Variants in ARHGAP29 observed in about 807,000 individuals in gnomAD.
ARHGAP29 encodes Rho GTPase activating protein 29.
A neutral mutation model predicts 122.6 loss-of-function variants in ARHGAP29; 43 were observed. The observed-to-expected ratio is 0.35, with a 90% CI of 0.27 to 0.45. The LOEUF (loss-of-function observed/expected upper bound fraction) is 0.45, where lower values mean the gene tolerates loss of function less well. Among genes scored for constraint, ARHGAP29 ranks in the 20% least tolerant of loss-of-function variants. The pLI is 1.00. For missense variants in ARHGAP29, 1,303 were observed against 1,477.2 expected (o/e 0.88, Z 1.93); for synonymous variants, 506 against 497.1 (o/e 1.02, Z -0.24).
At chr1:94,223,754 C>G (rs182986665) in intron 2 of ARHGAP29, among the ~76,000 whole-genome samples, 1 of 151,490 alleles carries the variant, frequency 6.6e-6, no homozygotes, top group African/African-American at 2.4e-5. Flanking sequence ...ATAAAGGAAA[C>G]TTCTGGGAAA....
rs545801726 is a variant in ARHGAP29, at chr1:94,202,840, G to A, written c.954+78C>T. The A allele has an allele frequency of 1.9e-4, 290 of 1,536,298 alleles. 2 individuals are homozygous for A. In the East Asian group the frequency reaches 5.6e-3, roughly 30 times the overall value. ...AAGACAATATTTTAGAAAAATGAGAGCAAGGAAGGTCAGTATATACTGCAG... is the reference window on the plus strand; with the variant it reads ...AAGACAATATTTTAGAAAAATGAGAACAAGGAAGGTCAGTATATACTGCAG... On this transcript the variant is annotated intron_variant, in intron 10 of 22. Coordinates refer to ENST00000260526, the MANE Select transcript of ARHGAP29 (RefSeq NM_004815.4).
chr1:94,276,780 C>CAAA (rs34090768), upstream of ARHGAP29, among the ~76,000 whole-genome samples: 5 of 40,628 alleles, frequency 1.2e-4, no homozygotes, highest in South Asian at 1.6e-3. Flanking sequence ...GACCCTGTCT[C>CAAA]AAAAAAAAAA....
chr1:94,232,427 A>G (rs899204655), intron 1 of ARHGAP29, among the ~76,000 whole-genome samples: 1 of 152,202 alleles, frequency 6.6e-6, no homozygotes, highest in Non-Finnish European at 1.5e-5. Context: ...TTTGTTGAAA[A>G]TAAGTTACAA....
At chr1:94,245,434 A>G (rs1447157906) in intron 1 of ARHGAP29, among the ~76,000 whole-genome samples, 1 of 152,226 alleles carries the variant, frequency 6.6e-6, no homozygotes, top group Non-Finnish European at 1.5e-5. Flanking sequence ...GATGAATCTC[A>G]AAAGCATTAA....
At chr1:94,233,026 C>T (rs1442128527) in intron 1 of ARHGAP29, among the ~76,000 whole-genome samples, 2 of 151,076 alleles carry the variant, frequency 1.3e-5, no homozygotes, top group Non-Finnish European at 2.9e-5. Context: ...CTCACTGCAG[C>T]CTCAAACTCC....
chr1:94,204,109 G>T, intron 7 of ARHGAP29, 115 bp from the exon 8 acceptor site: 8 of 657,828 alleles, frequency 1.2e-5, no homozygotes, highest in South Asian at 4.4e-5. Flanking sequence ...ATACTAGTGT[G>T]TATCAAGATA....
intron 13 of ARHGAP29, 95 bp downstream of exon 13, chr1:94,189,830 TG>T: frequency 1.5e-5 from 19 of 1,227,226 alleles, no homozygotes; most frequent in Non-Finnish European, 2.1e-5. Context: ...TTTTTAATTT[TG>T]TCAGTTAGAA....
the ARHGAP29 span, among the ~76,000 whole-genome samples, chr1:94,284,547 A>G: frequency 1.3e-5 from 2 of 152,216 alleles, no homozygotes; most frequent in African/African-American, 4.8e-5. Flanking sequence ...TTCTGGACAG[A>G]AGTTTTAAGA....
rs184957070 is a variant in ARHGAP29, at chr1:94,193,388, A to T, written c.1282-3305T>A. ...TACTACAAAAAAAAAAAAAAATTGA[A>T]GAAACAATAGTTGAAAACTTCTCAA... On this transcript the variant is annotated intron_variant, in intron 12 of 22. Transcript: ENST00000260526. 1.5e-3 allele frequency: 233 copies of T among 151,984 alleles called. 3 individuals carry two copies. The highest frequency in any genetic ancestry group is 5.3e-3 in the African/African-American group (218 of 41,518). 9.4% of individuals were successfully genotyped at this position (151,984 alleles called of 1,614,324 possible).
chr1:94,277,583 C>T (rs2100743649), upstream of ARHGAP29, among the ~76,000 whole-genome samples: 1 of 152,136 alleles, frequency 6.6e-6, no homozygotes, highest in South Asian at 2.1e-4. Flanking sequence ...ATCAGGTTCA[C>T]CATTAGTATG....
chr1:94,216,135 A>C (rs1651943556), intron 3 of ARHGAP29, among the ~76,000 whole-genome samples: 1 of 152,200 alleles, frequency 6.6e-6, no homozygotes, highest in African/African-American at 2.4e-5. Context: ...AAAAAATATA[A>C]ACACACATGC....
intron 1 of ARHGAP29, among the ~76,000 whole-genome samples, chr1:94,244,375 A>G (rs1653714451): frequency 6.6e-6 from 1 of 152,074 alleles, no homozygotes; most frequent in South Asian, 2.1e-4. Context: ...GAAAAAAACC[A>G]TGTGATCATC....
At chr1:94,185,314 G>T in intron 17 of ARHGAP29, 28 bp downstream of exon 17, 2 of 1,543,342 alleles carry the variant, frequency 1.3e-6, no homozygotes, top group Non-Finnish European at 1.7e-6. Flanking sequence ...AGCATAAAAG[G>T]GTCAACACAA....
rs765909623 is a variant in ARHGAP29, at chr1:94,169,263, A to G, written c.*4606T>C. Among the ~76,000 whole-genome samples the G allele has an allele frequency of 1.3e-5, 2 of 152,202 alleles. No homozygotes were observed. The highest frequency in any genetic ancestry group is 6.5e-5 in the Admixed American group (1 of 15,280). On this transcript the variant is annotated 3_prime_UTR_variant, in exon 23 of 23. Transcript: ENST00000260526. ...AGCCTAGGATTCCAATGGTGTGCTC[A>G]GGACTGACATCACTGGGGTCAAAGA...
rs751964449 is a variant in ARHGAP29 at position 94,205,622 on chromosome 1, C to T, written c.559+13G>A. On this transcript the variant is annotated intron_variant, in intron 6 of 22. Transcript: ENST00000260526. ...AGAAGTTTGTGAAAAGTTATAAACA[C>T]CTTGAGCATTACCTTTTTCACTGGA... is the stretch of plus-strand genomic sequence containing the variant. 3 of 1,610,296 alleles carry T rather than the reference C, an allele frequency of 1.9e-6. No individual in the cohort carries two copies. The highest frequency in any genetic ancestry group is 1.1e-5 in the South Asian group (1 of 90,360).
rs200848132 is a variant in ARHGAP29, at chr1:94,205,669, A to C, written c.525T>G (p.Val175=). The C allele has an allele frequency of 6.2e-7, 1 of 1,612,666 alleles. No homozygotes were observed. Among genetic ancestry groups the C allele is most frequent in the African/African-American group, 1.3e-5 (1 of 75,018 alleles). The change falls in exon 6 of 23, where the codon GTT becomes GTG. Residue 175 remains valine (V), a synonymous_variant. Transcript: ENST00000260526. Reference sequence around the variant, plus strand: ...TGGATGAGTCCACTGATTCCACAGAAACATTTTCAAACGACTTACAACATG... The same window carrying C: ...TGGATGAGTCCACTGATTCCACAGACACATTTTCAAACGACTTACAACATG... ...VSRETKSFEN[V]SVESVDSSSE... is the part of the protein sequence containing the mutation.
At chr1:94,181,955 A>C (rs1008717538) in intron 19 of ARHGAP29, among the ~76,000 whole-genome samples, 1 of 152,238 alleles carries the variant, frequency 6.6e-6, no homozygotes, top group Non-Finnish European at 1.5e-5. Flanking sequence ...TTAAATGTTC[A>C]AATGATATTT....
chr1:94,295,531 G>A, the ARHGAP29 span, among the ~76,000 whole-genome samples: 5 of 152,100 alleles, frequency 3.3e-5, no homozygotes, highest in Non-Finnish European at 7.4e-5. Context: ...TTGATGACAA[G>A]ATCTAGGATG....
At chr1:94,289,121 G>T in the ARHGAP29 span, among the ~76,000 whole-genome samples, 2 of 152,208 alleles carry the variant, frequency 1.3e-5, no homozygotes, top group South Asian at 4.1e-4. Context: ...CTATCCATGA[G>T]TATGGAATGT....
Sources: allele counts gnomAD v4.1 joint callset (sites outside exome capture counted in the v4.1 genomes callset), GRCh38; gene constraint gnomAD v4.1.1; transcripts MANE v1.5; gene names NCBI Gene and HGNC (gene_info 2026-07-23, HGNC 2026-07-21).